The following CNTNAP2 variants were observed in gnomAD, a reference collection of about 807,000 sequenced individuals.
CNTNAP2 encodes the protein contactin associated protein 2.
In CNTNAP2, 98 loss-of-function variants were observed where a neutral mutation model predicts 155.2. The ratio of observed to expected loss-of-function variants is 0.63; its 90% CI spans 0.54 to 0.75. The LOEUF (loss-of-function observed/expected upper bound fraction) is 0.75, where lower values mean the gene tolerates loss of function less well. Ranked by LOEUF, CNTNAP2 falls within the 30% of genes least tolerant of loss-of-function variation. The probability of loss-of-function intolerance (pLI) is 0.00; values close to 1 mark genes in which losing one functional copy is unlikely to be tolerated. For missense variants in CNTNAP2, 1,727 were observed against 1,688.1 expected, an observed-to-expected ratio of 1.02 and a Z score of -0.40; for synonymous variants, 651 against 631.2, an observed-to-expected ratio of 1.03 and a Z score of -0.47.
chr7:146,356,106 A>G (rs563382320), intron 1 of CNTNAP2, among the ~76,000 whole-genome samples: 1 of 151,520 alleles, frequency 6.6e-6, no homozygotes, highest in Admixed American at 6.6e-5. Flanking sequence ...GGAGTTTACA[A>G]CCATACATTA....
At chr7:147,120,914 CT>C in intron 5 of CNTNAP2, 64 bp from the exon 6 acceptor site, 1 of 1,465,060 alleles carries the variant, frequency 6.8e-7, no homozygotes, top group South Asian at 1.1e-5. Flanking sequence ...AATGAAAGAT[CT>C]TCTGCTTCAC....
intron 3 of CNTNAP2, among the ~76,000 whole-genome samples, chr7:146,962,330 T>C (rs1797571568): frequency 6.6e-6 from 1 of 152,220 alleles, no homozygotes; most frequent in African/African-American, 2.4e-5. Flanking sequence ...TGCCGATCTT[T>C]ACTGTTGCTG....
At chr7:146,571,787 A>G (rs1203791347) in intron 1 of CNTNAP2, among the ~76,000 whole-genome samples, 2 of 149,090 alleles carry the variant, frequency 1.3e-5, no homozygotes, top group Admixed American at 6.7e-5. Context: ...GCTGGAATGC[A>G]GTGGCATGAC....
At chr7:146,183,350 C>G (rs1306484945) in intron 1 of CNTNAP2, among the ~76,000 whole-genome samples, 1 of 152,112 alleles carries the variant, frequency 6.6e-6, no homozygotes, top group East Asian at 1.9e-4. Flanking sequence ...TGGTCCCAAA[C>G]TCTTCTCTCT....
At chr7:148,295,783 G>A (rs1349457848) in intron 21 of CNTNAP2, among the ~76,000 whole-genome samples, 1 of 151,970 alleles carries the variant, frequency 6.6e-6, no homozygotes, top group African/African-American at 2.4e-5. Context: ...GAGCCAACGC[G>A]CCCGGCCTCA....
At chr7:146,163,223 T>C (rs1212874680) in intron 1 of CNTNAP2, among the ~76,000 whole-genome samples, 3 of 151,848 alleles carry the variant, frequency 2.0e-5, no homozygotes, top group Non-Finnish European at 4.4e-5. Context: ...AGTGACAATT[T>C]TCTAGTATAA....
chr7:147,042,530 G>A (rs1336627591), intron 3 of CNTNAP2, among the ~76,000 whole-genome samples: 6 of 152,044 alleles, frequency 3.9e-5, no homozygotes, highest in Admixed American at 1.3e-4. Flanking sequence ...TTTCAATTCC[G>A]AAGCTACTCT....
intron 5 of CNTNAP2, among the ~76,000 whole-genome samples, chr7:147,120,067 C>A (rs1398664841): frequency 6.6e-6 from 1 of 152,062 alleles, no homozygotes; most frequent in Non-Finnish European, 1.5e-5. Context: ...ATATATAATT[C>A]TGAATGTTAT....
chr7:146,980,961 C>A (rs1798004383), intron 3 of CNTNAP2, among the ~76,000 whole-genome samples: 2 of 152,070 alleles, frequency 1.3e-5, no homozygotes, highest in African/African-American at 4.8e-5. Flanking sequence ...TTTTTCTACC[C>A]CTTAGCCTAG....
At position 148,284,374 on chromosome 7, in the gene CNTNAP2, T is replaced by C. The variant is rs113850340; in HGVS notation, c.3475+17248T>C. Among the ~76,000 whole-genome samples the C allele has an allele frequency of 3.0e-3, 450 of 152,260 alleles. 3 individuals are homozygous for C. Among genetic ancestry groups the C allele is most frequent in the African/African-American group, 0.01 (436 of 41,558 alleles). Reference sequence around the variant, plus strand: ...TTGGCTCTCATTCTCTCTTGCCTGCTGCCATGTAAGATGTGCCTTTCACCT... The same window carrying C: ...TTGGCTCTCATTCTCTCTTGCCTGCCGCCATGTAAGATGTGCCTTTCACCT... On this transcript the variant is annotated intron_variant, in intron 21 of 23. Coordinates refer to ENST00000361727, the MANE Select transcript of CNTNAP2 (RefSeq NM_014141.6).
chr7:146,833,859 C>T (rs972504042), intron 2 of CNTNAP2, among the ~76,000 whole-genome samples: 2 of 152,128 alleles, frequency 1.3e-5, no homozygotes, highest in Non-Finnish European at 2.9e-5. Flanking sequence ...TGTTGCATTT[C>T]TTGTGCATAG....
In CNTNAP2 at chr7:147,779,642, C is replaced by G. The variant is rs851680; in HGVS notation, c.2099-123923C>G. Among the ~76,000 whole-genome samples, 621 of 152,170 alleles carry G rather than the reference C, an allele frequency of 4.1e-3. 2 individuals are homozygous for G. Among genetic ancestry groups the G allele is most frequent in the African/African-American group, 0.014 (595 of 41,532 alleles). On this transcript the variant is annotated intron_variant, in intron 13 of 23. Coordinates refer to ENST00000361727, the MANE Select transcript of CNTNAP2 (RefSeq NM_014141.6). ...TAAATGACTGAATCAGGACTCCAAGCCATGTTTTCTGACTTCAAGACCTGT... is the reference window on the plus strand; with the variant it reads ...TAAATGACTGAATCAGGACTCCAAGGCATGTTTTCTGACTTCAAGACCTGT...
At chr7:146,737,476 C>T (rs965282278) in intron 1 of CNTNAP2, among the ~76,000 whole-genome samples, 1 of 152,044 alleles carries the variant, frequency 6.6e-6, no homozygotes, top group Non-Finnish European at 1.5e-5. Context: ...TATTTTATTT[C>T]TATGGGATGA....
chr7:146,384,062 C>G (rs1476617873), intron 1 of CNTNAP2, among the ~76,000 whole-genome samples: 1 of 152,064 alleles, frequency 6.6e-6, no homozygotes, highest in Non-Finnish European at 1.5e-5. Context: ...ATGGGCCATA[C>G]AAGACTCTGG....
At chr7:148,148,294 A>ACAC (rs936953155) in intron 17 of CNTNAP2, among the ~76,000 whole-genome samples, 13 of 152,232 alleles carry the variant, frequency 8.5e-5, no homozygotes, top group Non-Finnish European at 1.6e-4. Flanking sequence ...GTGGATCCAG[A>ACAC]CACCCAGTCT....
At chr7:147,468,549 A>G (rs1798159053) in intron 10 of CNTNAP2, among the ~76,000 whole-genome samples, 2 of 152,194 alleles carry the variant, frequency 1.3e-5, no homozygotes, top group South Asian at 4.1e-4. Context: ...ATTCTGATAG[A>G]TGAGATTATG....
chr7:147,841,510 A>C (rs1798730897), intron 13 of CNTNAP2, among the ~76,000 whole-genome samples: 1 of 152,162 alleles, frequency 6.6e-6, no homozygotes, highest in South Asian at 2.1e-4. Flanking sequence ...GCAATTAACA[A>C]TTTGGGGCAA....
intron 13 of CNTNAP2, among the ~76,000 whole-genome samples, chr7:147,679,081 G>T (rs147275780): frequency 0.015 from 2,249 of 151,864 alleles, 37 homozygotes; most frequent in African/African-American, 0.038. Flanking sequence ...GTTAATGAAA[G>T]CATGTCATTC....
chr7:147,599,557 G>T (rs1800904299), intron 12 of CNTNAP2, among the ~76,000 whole-genome samples: 1 of 151,780 alleles, frequency 6.6e-6, no homozygotes, highest in Non-Finnish European at 1.5e-5. Context: ...CATAGTTCTG[G>T]GGAGCCAGAA....
Sources: allele counts gnomAD v4.1 joint callset (sites outside exome capture counted in the v4.1 genomes callset), GRCh38; gene constraint gnomAD v4.1.1; transcripts MANE v1.5; gene names NCBI Gene and HGNC (gene_info 2026-07-23, HGNC 2026-07-21).